ZFC3H1: variants seen among roughly 807,000 people sequenced by gnomAD.
The protein encoded by ZFC3H1 is zinc finger C3H1-type containing.
Under a neutral mutation model 243.7 loss-of-function variants are expected in ZFC3H1, and 71 were observed. The observed-to-expected ratio is 0.29, with a 90% CI of 0.24 to 0.36. The LOEUF is 0.36. Among genes scored for constraint, ZFC3H1 ranks in the 10% least tolerant of loss-of-function variants. The pLI is 1.00. For synonymous variants in ZFC3H1, 838 were observed against 813.0 expected (o/e 1.03, Z -0.52); for missense variants, 1,966 against 2,317.1 (o/e 0.85, Z 3.11).
Position 71,630,635 on chromosome 12 carries a change from T to A in ZFC3H1, c.3689A>T (p.Glu1230Val), listed in dbSNP as rs1277112420. ...SYNLSLIGCA[E>V]TSTNEEITAS... Reference sequence around the variant, plus strand: ...AGTAATTTCTTCATTAGTACTTGTCTCTGCACAACCAATCAAAGACAGATT... The same window carrying A: ...AGTAATTTCTTCATTAGTACTTGTCACTGCACAACCAATCAAAGACAGATT... The change falls in exon 18 of 35, where the codon GAG (glutamate) becomes GTG (valine). Residue 1230 changes from glutamate to valine, a missense_variant. By Grantham distance (121) the Glu-to-Val change is moderately radical. Coordinates refer to ENST00000378743, the MANE Select transcript of ZFC3H1 (RefSeq NM_144982.5). 2 of 1,613,212 alleles carry A rather than the reference T, an allele frequency of 1.2e-6. No individual in the cohort carries two copies. The highest frequency in any genetic ancestry group is 1.7e-6 in the Non-Finnish European group (2 of 1,179,690).
intron 1 of ZFC3H1, among the ~76,000 whole-genome samples, chr12:71,661,671 A>G (rs968149906): frequency 2.0e-5 from 3 of 151,720 alleles, no homozygotes; most frequent in Admixed American, 6.6e-5. Context: ...TAGTAGAGAC[A>G]AGGTTTCACC....
chr12:71,646,678 C>A (rs886250102), intron 3 of ZFC3H1, among the ~76,000 whole-genome samples: 2 of 152,166 alleles, frequency 1.3e-5, no homozygotes, highest in African/African-American at 4.8e-5. Context: ...TCTCAAACTC[C>A]TGAGCTAAAG....
chr12:71,617,142 A>T lies in ZFC3H1; in HGVS notation c.5145-1826T>A, dbSNP rs571655103. Among the ~76,000 whole-genome samples the T allele has an allele frequency of 6.4e-4, 98 of 152,306 alleles. 1 individual carries two copies. The highest frequency in any genetic ancestry group is 6.8e-3 in the Middle Eastern group (2 of 292). On this transcript the variant is annotated intron_variant, in intron 27 of 34. Transcript: ENST00000378743. ...TTGCTTAACAATTTCTACTCATGAAATTTTAAAAGTATTTTGAACCAATTA... is the reference window on the plus strand; with the variant it reads ...TTGCTTAACAATTTCTACTCATGAATTTTTAAAAGTATTTTGAACCAATTA...
At chr12:71,616,046 T>G (rs1053322112) in intron 27 of ZFC3H1, among the ~76,000 whole-genome samples, 1 of 152,076 alleles carries the variant, frequency 6.6e-6, no homozygotes, top group Non-Finnish European at 1.5e-5. Context: ...TCCCAGCACT[T>G]TGGGAGGCTG....
intron 3 of ZFC3H1, 103 bp from the exon 4 acceptor site, chr12:71,645,178 C>T: frequency 9.4e-7 from 1 of 1,061,108 alleles, no homozygotes; most frequent in Non-Finnish European, 1.3e-6. Flanking sequence ...AGTGTGAAGG[C>T]AAATATGACA....
chr12:71,617,948 A>C (rs1879929767), intron 27 of ZFC3H1, among the ~76,000 whole-genome samples: 1 of 152,140 alleles, frequency 6.6e-6, no homozygotes, highest in Admixed American at 6.5e-5. Context: ...CAAATCTTAA[A>C]TAAAACTGCC....
At chr12:71,637,216 A>G (rs1172204117) in intron 7 of ZFC3H1, among the ~76,000 whole-genome samples, 157 bp from the exon 8 acceptor site, 1 of 152,210 alleles carries the variant, frequency 6.6e-6, no homozygotes, top group Admixed American at 6.5e-5. Flanking sequence ...AACAAACCAG[A>G]AATCAATAGC....
intron 22 of ZFC3H1, among the ~76,000 whole-genome samples, chr12:71,625,060 C>T (rs956416178): frequency 3.3e-5 from 5 of 152,116 alleles, no homozygotes; most frequent in Non-Finnish European, 7.4e-5. Context: ...TTTGAATATT[C>T]CACACCCTAT....
At chr12:71,622,821 G>A (rs974719169) in intron 24 of ZFC3H1, among the ~76,000 whole-genome samples, 5 of 152,078 alleles carry the variant, frequency 3.3e-5, no homozygotes, top group Non-Finnish European at 7.4e-5. Flanking sequence ...ATATGGCCTT[G>A]TATGTTTAAT....
chr12:71,639,545 G>A (rs776408248), intron 6 of ZFC3H1: 2 of 167,980 alleles, frequency 1.2e-5, no homozygotes, highest in Non-Finnish European at 2.5e-5. Context: ...GGGAGAGAGG[G>A]TGGACCTAGT....
intron 26 of ZFC3H1, 82 bp downstream of exon 26, chr12:71,619,843 AC>A: frequency 7.8e-7 from 1 of 1,289,430 alleles, no homozygotes. Flanking sequence ...GGGTAAAAGG[AC>A]CAGGAAACAC....
In ZFC3H1 at chr12:71,628,957, T is replaced by C. The variant is rs993255025; in HGVS notation, c.3907A>G (p.Ser1303Gly). 5.0e-6 allele frequency: 8 copies of C among 1,613,166 alleles called. No individual in the cohort carries two copies. The highest frequency in any genetic ancestry group is 6.8e-6 in the Non-Finnish European group (8 of 1,179,750). The change falls in exon 20 of 35, where the codon AGT becomes GGT. Residue 1303 changes from serine to glycine, a missense_variant. This residue lies in a region of ZFC3H1 where 1,383 missense variants were observed against 1,723.7 expected (regional missense o/e 0.80). Coordinates refer to ENST00000378743, the MANE Select transcript of ZFC3H1 (RefSeq NM_144982.5). The stretch of plus-strand genomic sequence containing the variant: ...CCTGTAGACTGTTCCTCATCACTAC[T>C]GAAGCTATTATCTGAAATAGGTTTT... ...WRKPISDNSF[S>G]SDEEQSTGPI... is the part of the protein sequence containing the mutation.
rs748439970 is a variant in ZFC3H1, at chr12:71,624,057, T to TA, written c.4506+46dup. 39 of 1,554,346 alleles carry TA rather than the reference T, an allele frequency of 2.5e-5. No individual in the cohort carries two copies. The Admixed American group carries it at 7.2e-4, about 29-fold the overall frequency. Reference sequence around the variant, plus strand: ...GCTATGGATAACGGTGTAGACCTTTTAAACTTTTTCTGCAAAATGCAATTA... The same window carrying TA: ...GCTATGGATAACGGTGTAGACCTTTTAAAACTTTTTCTGCAAAATGCAATTA... On this transcript the variant is annotated intron_variant, in intron 23 of 34. Transcript: ENST00000378743.
chr12:71,635,316 T>A, intron 10 of ZFC3H1, 127 bp downstream of exon 10: 1 of 1,248,726 alleles, frequency 8.0e-7, no homozygotes. Context: ...GCACAAATAC[T>A]TAAAATATTT....
At chr12:71,614,037 C>T (rs1409668783) in intron 30 of ZFC3H1, among the ~76,000 whole-genome samples, 1 of 152,090 alleles carries the variant, frequency 6.6e-6, no homozygotes, top group African/African-American at 2.4e-5. Flanking sequence ...TTAGATTCTA[C>T]TTTTAGAATT....
chr12:71,629,851 C>G, intron 18 of ZFC3H1, 141 bp from the exon 19 acceptor site: 1 of 575,622 alleles, frequency 1.7e-6, no homozygotes, highest in Non-Finnish European at 3.1e-6. Context: ...TTTGAAAGGG[C>G]AAAGCCTGTA....
chr12:71,657,367 T>A, intron 1 of ZFC3H1, 66 bp from the exon 2 acceptor site: 2 of 1,134,368 alleles, frequency 1.8e-6, no homozygotes, highest in Non-Finnish European at 2.4e-6. Context: ...CAAAAAAACT[T>A]AGATTATAGA....
At chr12:71,659,361 C>T (rs1881105204) in intron 1 of ZFC3H1, among the ~76,000 whole-genome samples, 1 of 152,186 alleles carries the variant, frequency 6.6e-6, no homozygotes, top group African/African-American at 2.4e-5. Context: ...GCTTTCCTTT[C>T]CAAACTTACT....
chr12:71,644,599 C>CT (rs1413360110), intron 4 of ZFC3H1, among the ~76,000 whole-genome samples: 1 of 152,146 alleles, frequency 6.6e-6, no homozygotes, highest in African/African-American at 2.4e-5. Context: ...AGTGGATCAC[C>CT]TGACGTCAGG....
Sources: allele counts gnomAD v4.1 joint callset (sites outside exome capture counted in the v4.1 genomes callset), GRCh38; gene constraint gnomAD v4.1.1; regional missense constraint gnomAD v4.1.1; transcripts MANE v1.5; gene names NCBI Gene and HGNC (gene_info 2026-07-23, HGNC 2026-07-21).